CAMTA1: variants seen among roughly 807,000 people sequenced by gnomAD.
The protein encoded by CAMTA1 is calmodulin-binding transcription activator 1.
CAMTA1 carries 27 observed loss-of-function variants against 170.9 expected under a neutral mutation model. The observed-to-expected ratio is 0.16, with a 90% CI of 0.12 to 0.22. The LOEUF (loss-of-function observed/expected upper bound fraction) is 0.22. Ranked by LOEUF, CAMTA1 falls within the 10% of genes least tolerant of loss-of-function variation. The pLI, the probability that CAMTA1 is intolerant of heterozygous loss-of-function variation, is 1.00. For synonymous variants in CAMTA1, 833 were observed against 891.5 expected (o/e 0.93, Z 1.17); for missense variants, 1,619 against 2,217.2 (o/e 0.73, Z 5.42).
chr1:7,677,799 C>G (rs1047653108), intron 11 of CAMTA1, 66 bp downstream of exon 11: 4 of 1,550,606 alleles, frequency 2.6e-6, no homozygotes, highest in Non-Finnish European at 3.5e-6. Context: ...GACTCTTGCA[C>G]AAGGTGTGAA....
intron 5 of CAMTA1, among the ~76,000 whole-genome samples, chr1:7,444,067 G>A (rs915002092): frequency 1.3e-5 from 2 of 152,206 alleles, no homozygotes; most frequent in Non-Finnish European, 2.9e-5. Context: ...AGATTCCCTC[G>A]CTCAGAGGAA....
intron 4 of CAMTA1, among the ~76,000 whole-genome samples, chr1:7,103,354 A>G (rs951327353): frequency 3.3e-5 from 5 of 151,890 alleles, no homozygotes; most frequent in Admixed American, 3.3e-4. Flanking sequence ...ACACATGCAC[A>G]CACAACACAC....
At chr1:7,252,406 C>T (rs926118388) in intron 5 of CAMTA1, among the ~76,000 whole-genome samples, 1 of 152,218 alleles carries the variant, frequency 6.6e-6, no homozygotes, top group African/African-American at 2.4e-5. Flanking sequence ...TTAAACAGCC[C>T]TGAAGAAGGC....
intron 3 of CAMTA1, among the ~76,000 whole-genome samples, chr1:7,033,852 C>T (rs150371496): frequency 0.044 from 6,709 of 152,174 alleles, 209 homozygotes; most frequent in South Asian, 0.12. Flanking sequence ...CTTTGGCCTC[C>T]CAAAGTGCTG....
chr1:6,875,148 T>G (rs1669470044), intron 3 of CAMTA1, among the ~76,000 whole-genome samples: 1 of 152,174 alleles, frequency 6.6e-6, no homozygotes, highest in African/African-American at 2.4e-5. Flanking sequence ...GACAGGCACT[T>G]AAATCCAAGT....
chr1:6,933,061 AATC>A (rs995168202), intron 3 of CAMTA1, among the ~76,000 whole-genome samples: 1 of 151,674 alleles, frequency 6.6e-6, no homozygotes, highest in Admixed American at 6.6e-5. Flanking sequence ...GTATCTAAGC[AATC>A]ATCATCTTTT....
At chr1:7,651,604 C>T (rs1322397097) in intron 7 of CAMTA1, among the ~76,000 whole-genome samples, 1 of 152,274 alleles carries the variant, frequency 6.6e-6, no homozygotes, top group Admixed American at 6.5e-5. Context: ...AGCTTCCCCT[C>T]TTGTGAGGCT....
intron 3 of CAMTA1, among the ~76,000 whole-genome samples, chr1:6,968,337 T>G (rs755513862): frequency 2.0e-5 from 3 of 152,188 alleles, no homozygotes; most frequent in Non-Finnish European, 4.4e-5. Context: ...AGGATGGCCC[T>G]TGCCCCTCTC....
intron 5 of CAMTA1, among the ~76,000 whole-genome samples, chr1:7,375,890 G>A (rs1169549004): frequency 6.6e-6 from 1 of 152,232 alleles, no homozygotes; most frequent in Non-Finnish European, 1.5e-5. Flanking sequence ...GAAGGGGGCA[G>A]GGAGAGGTAC....
chr1:6,929,671 G>A (rs1219141018), intron 3 of CAMTA1, among the ~76,000 whole-genome samples: 1 of 151,786 alleles, frequency 6.6e-6, no homozygotes, highest in African/African-American at 2.4e-5. Context: ...CCTAATTTTT[G>A]TATTTTTAGT....
chr1:7,672,101 G>A (rs570793443), intron 10 of CAMTA1: 8 of 455,800 alleles, frequency 1.8e-5, no homozygotes, highest in Non-Finnish European at 3.1e-5. Flanking sequence ...TAAACAGGAG[G>A]GGGGTAAGGA....
chr1:6,825,137 C>T lies in CAMTA1; in HGVS notation c.161C>T (p.Pro54Leu). 1 of 1,610,238 alleles carries T rather than the reference C, an allele frequency of 6.2e-7. No individual in the cohort carries two copies. The highest frequency in any genetic ancestry group is 8.5e-7 in the Non-Finnish European group (1 of 1,178,374). The change falls in exon 3 of 23, where the codon CCG becomes CTG. Residue 54 changes from proline to leucine, a missense_variant. Pro to Leu is a moderately conservative substitution (Grantham distance 98, BLOSUM62 -3). This residue lies in a region of CAMTA1 where 97 missense variants were observed against 225.4 expected (regional missense o/e 0.43). Transcript: ENST00000303635. ...AGTAGTCATGTAAAAATCTTTTTAC[C>T]GAAAAAGCTGCTTGAATGTCTGCCG... ...SNSSHVKIFL[P>L]KKLLECLPKC...
chr1:7,381,123 C>T (rs1049249169), intron 5 of CAMTA1, among the ~76,000 whole-genome samples: 30 of 151,848 alleles, frequency 2.0e-4, no homozygotes, highest in African/African-American at 7.0e-4. Flanking sequence ...TTAAATAAGA[C>T]GGTTTGATTT....
chr1:7,520,723 G>A (rs1484875230), intron 6 of CAMTA1, among the ~76,000 whole-genome samples: 2 of 152,162 alleles, frequency 1.3e-5, no homozygotes, highest in Non-Finnish European at 2.9e-5. Flanking sequence ...AGGCTCCTAC[G>A]CCAAGGACCT....
At chr1:7,597,012 C>G (rs60258033) in intron 6 of CAMTA1, among the ~76,000 whole-genome samples, 3,855 of 152,296 alleles carry the variant, frequency 0.025, 182 homozygotes, top group African/African-American at 0.088. Flanking sequence ...CTGTAATCCC[C>G]TTGTGGCCCC....
At chr1:6,844,170 G>T (rs1431108371) in intron 3 of CAMTA1, among the ~76,000 whole-genome samples, 1 of 152,152 alleles carries the variant, frequency 6.6e-6, no homozygotes, top group Non-Finnish European at 1.5e-5. Flanking sequence ...CTGTATACAG[G>T]TTCAAAACAA....
At chr1:7,339,276 C>T (rs965776667) in intron 5 of CAMTA1, among the ~76,000 whole-genome samples, 1 of 152,126 alleles carries the variant, frequency 6.6e-6, no homozygotes, top group Non-Finnish European at 1.5e-5. Flanking sequence ...AAGAATTGTA[C>T]GGAATGTGAA....
intron 3 of CAMTA1, among the ~76,000 whole-genome samples, chr1:6,827,285 G>A (rs1196037208): frequency 6.6e-6 from 1 of 152,218 alleles, no homozygotes; most frequent in Non-Finnish European, 1.5e-5. Context: ...CACAGCTGAT[G>A]GGTGAAGCCA....
intron 5 of CAMTA1, among the ~76,000 whole-genome samples, chr1:7,266,483 A>G (rs539081344): frequency 5.9e-5 from 9 of 152,366 alleles, no homozygotes; most frequent in South Asian, 4.1e-4. Context: ...TTGAAGAAAC[A>G]TAAGTCCACG....
Sources: gnomAD v4.1 joint callset for allele counts (sites outside exome capture counted in the v4.1 genomes callset) on GRCh38, gnomAD v4.1.1 for gene constraint, gnomAD v4.1.1 regional missense constraint, MANE v1.5 for transcripts, NCBI Gene and HGNC (gene_info 2026-07-23, HGNC 2026-07-21) for gene names.